BPTF: variants seen among roughly 807,000 people sequenced by gnomAD.
BPTF encodes bromodomain PHD finger transcription factor.
A neutral mutation model predicts 292.5 loss-of-function variants in BPTF; 18 were observed. The ratio of observed to expected loss-of-function variants is 0.06; its 90% CI spans 0.04 to 0.09. BPTF has a LOEUF of 0.09. BPTF is among the 10% of genes least tolerant of loss of function. BPTF has a pLI of 1.00. For synonymous variants in BPTF, 1,225 were observed against 1,251.9 expected, an observed-to-expected ratio of 0.98 and a Z score of 0.45; for missense variants, 2,726 against 3,498.7, an observed-to-expected ratio of 0.78 and a Z score of 5.57.
intron 15 of BPTF, among the ~76,000 whole-genome samples, chr17:67,926,247 G>C (rs562606997): frequency 3.3e-5 from 5 of 149,766 alleles, no homozygotes; most frequent in Non-Finnish European, 4.4e-5. Flanking sequence ...GAGCTCAAGC[G>C]ATCTGCCTAC....
chr17:67,871,536 A>G lies in BPTF; in HGVS notation c.1661-3281A>G, dbSNP rs367581152. ...TTTGTAACTAAATATACAGCTTACT[A>G]TATTTGCTTTATCCTATGCCTGTAT... On this transcript the variant is annotated intron_variant, in intron 3 of 27. Coordinates refer to ENST00000306378, the MANE Select transcript of BPTF (RefSeq NM_182641.4). Among the ~76,000 whole-genome samples the G allele has an allele frequency of 8.3e-4, 126 of 151,648 alleles. 4 individuals carry two copies. The South Asian group carries it at 0.025, about 30-fold the overall frequency.
chr17:67,884,472 A>G (rs752157841), intron 4 of BPTF, among the ~76,000 whole-genome samples: 3 of 150,784 alleles, frequency 2.0e-5, no homozygotes, highest in Non-Finnish European at 4.4e-5. Flanking sequence ...CTAGAGTGCA[A>G]TGGCGCAATC....
intron 26 of BPTF, among the ~76,000 whole-genome samples, chr17:67,973,776 G>A (rs2069073583): frequency 6.6e-6 from 1 of 151,984 alleles, no homozygotes; most frequent in Admixed American, 6.6e-5. Flanking sequence ...CAAACTGCTA[G>A]GATTACAGAC....
At chr17:67,950,437 G>A (rs1284043105) in intron 23 of BPTF, among the ~76,000 whole-genome samples, 4 of 152,072 alleles carry the variant, frequency 2.6e-5, no homozygotes, top group Non-Finnish European at 5.9e-5. Flanking sequence ...TGGCAAATAT[G>A]TTAAGCCAAG....
chr17:67,826,171 C>T lies in BPTF; in HGVS notation c.447C>T (p.Asp149=), dbSNP rs751822693. Residue 149 remains aspartate (D), a synonymous_variant, in exon 1 of 28, where the codon GAC becomes GAT. Coordinates refer to ENST00000306378, the MANE Select transcript of BPTF (RefSeq NM_182641.4). ...TCTCCGAGGAGGAGGAGGAGGAGGA[C>T]GGCGACGCCGAGGAGACCCAGGATT... ...DMVSEEEEEE[D]GDAEETQDSE... 5 of 1,580,440 alleles carry T rather than the reference C, an allele frequency of 3.2e-6. No individual in the cohort carries two copies. The highest frequency in any genetic ancestry group is 3.5e-6 in the Non-Finnish European group (4 of 1,149,766).
Position 67,826,005 on chromosome 17 carries a change from G to A in BPTF, c.281G>A (p.Gly94Glu). The change falls in exon 1 of 28, where the codon GGG becomes GAG. Residue 94 changes from glycine to glutamate, a missense_variant. By Grantham distance (98) the Gly-to-Glu change is moderately conservative. Coordinates refer to ENST00000306378, the MANE Select transcript of BPTF (RefSeq NM_182641.4). ...AGCACCAGCGCCCCGGGCCGGGGGG[G>A]GCGAGGAGGCGGGGGCGGCAGGACG... is the stretch of plus-strand genomic sequence containing the variant. Reference protein sequence around the residue: ...PPSTSAPGRGGRGGGGGRTGG... With the variant: ...PPSTSAPGRGERGGGGGRTGG... The A allele has an allele frequency of 8.6e-7, 1 of 1,165,602 alleles. No homozygotes were observed. The highest frequency in any genetic ancestry group is 1.1e-6 in the Non-Finnish European group (1 of 944,008). 72.2% of individuals were successfully genotyped at this position (1,165,602 alleles called of 1,614,324 possible). A position where few individuals can be genotyped will look rare whatever the true frequency, so the allele number is the denominator to read the frequency against.
Position 67,945,865 on chromosome 17 carries a change from C to T in BPTF, c.7157C>T (p.Pro2386Leu). 6.2e-7 allele frequency: 1 copy of T among 1,614,170 alleles called. No homozygotes were observed. Among genetic ancestry groups the T allele is most frequent in the Non-Finnish European group, 8.5e-7 (1 of 1,180,040 alleles). Reference sequence around the variant, plus strand: ...CAACCACATACATCTCTTCAGATACCTTCCCAAGGCCAGCCACAGTCACAA... The same window carrying T: ...CAACCACATACATCTCTTCAGATACTTTCCCAAGGCCAGCCACAGTCACAA... ...PIQPHTSLQI[P>L]SQGQPQSQPQ... The change falls in exon 21 of 28, where the codon CCT becomes CTT. Residue 2386 changes from proline (P) to leucine (L), a missense_variant. By Grantham distance (98) the Pro-to-Leu change is moderately conservative. Around this residue, in one of 22 missense-constraint regions of BPTF, gnomAD observed 570 missense variants for 633.5 expected, o/e 0.90. Transcript: ENST00000306378.
intron 2 of BPTF, among the ~76,000 whole-genome samples, chr17:67,857,844 T>A (rs2058807496): frequency 6.9e-6 from 1 of 144,784 alleles, no homozygotes; most frequent in Non-Finnish European, 1.5e-5. Flanking sequence ...TAGAGTACAG[T>A]GGCGCGATCC....
chr17:67,941,155 C>A (rs1358491451), intron 19 of BPTF, among the ~76,000 whole-genome samples: 1 of 152,152 alleles, frequency 6.6e-6, no homozygotes, highest in African/African-American at 2.4e-5. Context: ...AACTTGATAT[C>A]AAAACTTAGT....
rs146374860 is a variant in BPTF, at chr17:67,964,290, C to A, written c.8340C>A (p.Leu2780=). 31 of 1,613,932 alleles carry A rather than the reference C, an allele frequency of 1.9e-5. No individual in the cohort carries two copies. Among genetic ancestry groups the A allele is most frequent in the Admixed American group, 6.7e-5 (4 of 59,966 alleles). Residue 2780 remains leucine (L), a synonymous_variant, in exon 25 of 28, where the codon CTC becomes CTA. Coordinates refer to ENST00000306378, the MANE Select transcript of BPTF (RefSeq NM_182641.4). ...GCATCTTGCAAAGTGAGGCAGAGCTCATTGATGAGTATGTCTGTCCACAGT... is the reference window on the plus strand; with the variant it reads ...GCATCTTGCAAAGTGAGGCAGAGCTAATTGATGAGTATGTCTGTCCACAGT... The part of the protein sequence containing the change: ...CVGILQSEAE[L]IDEYVCPQCQ...
rs190033450 is a variant in BPTF, at chr17:67,911,772, G to C, written c.3888G>C (p.Val1296=). Residue 1296 remains valine (V), a synonymous_variant, in exon 11 of 28, where the codon GTG becomes GTC. Coordinates refer to ENST00000306378, the MANE Select transcript of BPTF (RefSeq NM_182641.4). ...CTTTGGAAAATAGTTCTGATACCGT[G>C]TCTATTCAGGATAGCAGTGAAGAAG... is the stretch of plus-strand genomic sequence containing the variant. The part of the protein sequence containing the change: ...NSTLENSSDT[V]SIQDSSEEDM... 1.1e-5 allele frequency: 17 copies of C among 1,614,196 alleles called. No individual in the cohort carries two copies. The highest frequency in any genetic ancestry group is 1.4e-5 in the Non-Finnish European group (17 of 1,180,026).
chr17:67,857,309 C>T (rs565273939), intron 2 of BPTF, among the ~76,000 whole-genome samples: 4 of 151,310 alleles, frequency 2.6e-5, no homozygotes, highest in Admixed American at 6.6e-5. Context: ...TACAGGTGCC[C>T]GCCACCGTGC....
At chr17:67,833,709 C>T (rs1333150250) in intron 1 of BPTF, among the ~76,000 whole-genome samples, 1 of 151,920 alleles carries the variant, frequency 6.6e-6, no homozygotes, top group Non-Finnish European at 1.5e-5. Flanking sequence ...GCTGGGACTA[C>T]AGGTGTGTGC....
At chr17:67,976,864 G>A (rs1555694275) in intron 27 of BPTF, among the ~76,000 whole-genome samples, 1 of 152,046 alleles carries the variant, frequency 6.6e-6, no homozygotes, top group African/African-American at 2.4e-5. Context: ...TAAAGCCCCT[G>A]CACTCTATGA....
At chr17:67,838,782 T>C (rs1266052733) in intron 1 of BPTF, among the ~76,000 whole-genome samples, 3 of 152,240 alleles carry the variant, frequency 2.0e-5, no homozygotes, top group Admixed American at 2.0e-4. Context: ...AGCACATGTG[T>C]GCATACATAC....
In BPTF at chr17:67,950,208, G is replaced by A. The variant is rs1041131335; in HGVS notation, c.7926+1902G>A. ...GAGCTCAGGTGAAGGTTGCAGTGAT[G>A]CGAAATCATGCCATTGCCCTCCAAC... On this transcript the variant is annotated intron_variant, in intron 23 of 27. Transcript: ENST00000306378. Among the ~76,000 whole-genome samples the A allele has an allele frequency of 1.1e-4, 17 of 152,082 alleles. No individual in the cohort carries two copies. The East Asian group carries it at 3.3e-3, about 29-fold the overall frequency.
chr17:67,829,108 G>A (rs2056400149), intron 1 of BPTF, among the ~76,000 whole-genome samples: 1 of 139,836 alleles, frequency 7.2e-6, no homozygotes, highest in African/African-American at 2.5e-5. Flanking sequence ...TTTTGTTTTT[G>A]TTTTTTGTTG....
chr17:67,894,548 T>A (rs1225895159), intron 7 of BPTF, among the ~76,000 whole-genome samples: 2 of 152,210 alleles, frequency 1.3e-5, no homozygotes, highest in African/African-American at 2.4e-5. Flanking sequence ...TAGGCTGGTC[T>A]TGAACTCCTG....
chr17:67,911,971 C>G lies in BPTF; in HGVS notation c.4087C>G (p.Gln1363Glu). ...GTEANGKKPS[Q>E]QKKLEERPVN... ...TGAAGCAAATGGTAAAAAACCAAGT[C>G]AGCAGAAGAAATTAGAGGAGAGACC... The change falls in exon 11 of 28, where the codon CAG becomes GAG. Residue 1363 changes from glutamine to glutamate, a missense_variant. Gln to Glu is a conservative substitution (Grantham distance 29, BLOSUM62 2). Transcript: ENST00000306378. 1 of 1,613,922 alleles carries G rather than the reference C, an allele frequency of 6.2e-7. No homozygotes were observed. Among genetic ancestry groups the G allele is most frequent in the Non-Finnish European group, 8.5e-7 (1 of 1,179,984 alleles).
Sources: gnomAD v4.1 joint callset for allele counts (sites outside exome capture counted in the v4.1 genomes callset) on GRCh38, gnomAD v4.1.1 for gene constraint, gnomAD v4.1.1 regional missense constraint, MANE v1.5 for transcripts, NCBI Gene and HGNC (gene_info 2026-07-23, HGNC 2026-07-21) for gene names.